The following ZNF587B variants were observed in gnomAD, a reference collection of about 807,000 sequenced individuals.
ZNF587B encodes the protein zinc finger protein 587B.
A neutral mutation model predicts 7.2 loss-of-function variants in ZNF587B; 6 were observed. The observed-to-expected ratio is 0.83, with a 90% CI of 0.46 to 1.65. ZNF587B has a LOEUF of 1.65. ZNF587B is among the 40% of genes most tolerant of loss of function. The pLI, the probability that ZNF587B is intolerant of heterozygous loss-of-function variation, is 0.01. For missense variants in ZNF587B, 749 were observed against 761.0 expected (o/e 0.98, Z 0.19); for synonymous variants, 274 against 254.3 (o/e 1.08, Z -0.74).
In ZNF587B at chr19:57,841,999, A is replaced by C. The variant is rs1441903556; in HGVS notation, c.1325A>C (p.Glu442Ala). Reference protein sequence around the residue: ...HTTERPYKCGECGKCFSHKGN... With the variant: ...HTTERPYKCGACGKCFSHKGN... The stretch of plus-strand genomic sequence containing the variant: ...ACAGAAAGACCTTATAAGTGTGGGG[A>C]ATGTGGGAAATGTTTTAGTCACAAG... Residue 442 changes from glutamate (E) to alanine (A), a missense_variant, in exon 3 of 3, where the codon GAA becomes GCA. Physicochemically the swap from Glu to Ala is moderately radical, Grantham distance 107. Around this residue, in one of 3 missense-constraint regions of ZNF587B, gnomAD observed 656 missense variants for 596.5 expected, o/e 1.10. Transcript: ENST00000594901. The C allele has an allele frequency of 6.2e-7, 1 of 1,602,812 alleles. No individual in the cohort carries two copies.
rs774388866 is a variant in ZNF587B at position 57,841,919 on chromosome 19, T to TG, written c.1248dup (p.Lys417GlufsTer4). Reference sequence around the variant, plus strand: ...AAAGACCTTACAAGTGTGGAGACTGTGGGAAATCTTTTAATGAAAAAGGAC... The same window carrying TG: ...AAAGACCTTACAAGTGTGGAGACTGTGGGGAAATCTTTTAATGAAAAAGGAC... On this transcript the variant is annotated frameshift_variant, in exon 3 of 3. Transcript: ENST00000594901. LOFTEE classifies it low-confidence loss of function (END_TRUNC). The TG allele has an allele frequency of 1.9e-6, 3 of 1,613,638 alleles. No individual in the cohort carries two copies. The African/African-American group carries it at 4.0e-5, about 22-fold the overall frequency.
intron 1 of ZNF587B, among the ~76,000 whole-genome samples, chr19:57,830,863 C>T (rs537835896): frequency 6.6e-6 from 1 of 151,936 alleles, no homozygotes; most frequent in East Asian, 1.9e-4. Context: ...AAAGTTCTCG[C>T]GGCCCCAAAG....
In ZNF587B at chr19:57,830,429, C is replaced by G. The variant is rs1246954973; in HGVS notation, c.-100C>G. The stretch of plus-strand genomic sequence containing the variant: ...CGACTCTGGAGCTCTGTGACGGCGC[C>G]AAGCGTGACCCACCCCTGGGCCAGG... On this transcript the variant is annotated 5_prime_UTR_variant, in exon 1 of 3. Transcript: ENST00000594901. 3.0e-6 allele frequency: 4 copies of G among 1,353,124 alleles called. No individual in the cohort carries two copies. In the East Asian group the frequency reaches 7.5e-5, roughly 25 times the overall value. The allele number at this position is 1,353,124 out of a possible 1,614,324, so 83.8% of individuals were successfully genotyped here. A position where few individuals can be genotyped will look rare whatever the true frequency, so the allele number is the denominator to read the frequency against.
chr19:57,831,965 G>GA (rs1260651787), intron 1 of ZNF587B, among the ~76,000 whole-genome samples: 1 of 151,664 alleles, frequency 6.6e-6, no homozygotes, highest in Non-Finnish European at 1.5e-5. Flanking sequence ...CTCGGCCTCC[G>GA]AAAGTGCTGG....
At chr19:57,832,156 G>A (rs1600101854) in intron 1 of ZNF587B, among the ~76,000 whole-genome samples, 1 of 151,854 alleles carries the variant, frequency 6.6e-6, no homozygotes, top group East Asian at 1.9e-4. Context: ...GCACGATCTC[G>A]GCTCACTGCA....
Position 57,843,584 on chromosome 19 carries a change from T to C in ZNF587B, c.*1008T>C. 1.1e-6 allele frequency: 1 copy of C among 910,828 alleles called. No homozygotes were observed. Among genetic ancestry groups the C allele is most frequent in the Non-Finnish European group, 1.3e-6 (1 of 784,972 alleles). The allele number at this position is 910,828 out of a possible 1,614,324, so 56.4% of individuals were successfully genotyped here. A position where few individuals can be genotyped will look rare whatever the true frequency, so the allele number is the denominator to read the frequency against. On this transcript the variant is annotated 3_prime_UTR_variant, in exon 3 of 3. Coordinates refer to ENST00000594901, the MANE Select transcript of ZNF587B (RefSeq NM_001376223.1). ...TTTGTTTGGTTGGTTGGTTGGTTGG[T>C]TGGTTGTTTTTTTTTGTTTTTTTTT...
chr19:57,833,069 GC>G (rs1422562876), intron 1 of ZNF587B, among the ~76,000 whole-genome samples: 14 of 152,420 alleles, frequency 9.2e-5, no homozygotes, highest in African/African-American at 3.4e-4. Flanking sequence ...TTCCCTCAAG[GC>G]CCTAGCCCTG....
At position 57,842,777 on chromosome 19, in the gene ZNF587B, A is replaced by G; in HGVS notation, c.*201A>G. ...AGCCACACCTCTGTATTCCTTCAGG[A>G]TTATATTTAACACTGAATGAAGGCC... On this transcript the variant is annotated 3_prime_UTR_variant, in exon 3 of 3. Transcript: ENST00000594901. The G allele has an allele frequency of 4.1e-6, 4 of 985,444 alleles. No individual in the cohort carries two copies. The highest frequency in any genetic ancestry group is 4.8e-6 in the Non-Finnish European group (4 of 829,918). 61.0% of individuals were successfully genotyped at this position (985,444 alleles called of 1,614,324 possible).
intron 2 of ZNF587B, among the ~76,000 whole-genome samples, chr19:57,840,075 C>CAAAAAA (rs774635301): frequency 3.7e-5 from 3 of 81,106 alleles, no homozygotes; most frequent in African/African-American, 4.5e-5. Context: ...ACTCTGTCTC[C>CAAAAAA]AAAAAAAAAA....
At chr19:57,840,449 C>T (rs1332071203) in intron 2 of ZNF587B, among the ~76,000 whole-genome samples, 3 of 152,066 alleles carry the variant, frequency 2.0e-5, no homozygotes, top group Non-Finnish European at 2.9e-5. Context: ...CAAGTATATA[C>T]GCTTTGTTAC....
rs529742031 is a variant in ZNF587B at position 57,835,998 on chromosome 19, C to T, written c.37-3025C>T. ...CTAGATGTTTTGCCTGGGTCCCTGG[C>T]GGACATTATTGGCATTCATAACCTG... On this transcript the variant is annotated intron_variant, in intron 1 of 2. Coordinates refer to ENST00000594901, the MANE Select transcript of ZNF587B (RefSeq NM_001376223.1). 2.0e-4 allele frequency among the ~76,000 whole-genome samples: 30 copies of T among 151,726 alleles called. No homozygotes were observed. In the East Asian group the frequency reaches 5.2e-3, roughly 26 times the overall value.
chr19:57,841,098 C>T lies in ZNF587B; in HGVS notation c.424C>T (p.His142Tyr), dbSNP rs1464267662. The stretch of plus-strand genomic sequence containing the variant: ...AAACTTTCATCAGCACCAGAATGAG[C>T]ACATTGGAGAGAAACCCTACAGAGG... ...SGNFHQHQNE[H>Y]IGEKPYRGSV... The change falls in exon 3 of 3, where the codon CAC (histidine) becomes TAC (tyrosine). Residue 142 changes from histidine to tyrosine, a missense_variant. Coordinates refer to ENST00000594901, the MANE Select transcript of ZNF587B (RefSeq NM_001376223.1). 3 of 1,613,948 alleles carry T rather than the reference C, an allele frequency of 1.9e-6. No individual in the cohort carries two copies. In the East Asian group the frequency reaches 6.7e-5, roughly 36 times the overall value.
Position 57,830,431 on chromosome 19 carries a change from A to G in ZNF587B, c.-98A>G. ...ACTCTGGAGCTCTGTGACGGCGCCA[A>G]GCGTGACCCACCCCTGGGCCAGGAT... On this transcript the variant is annotated 5_prime_UTR_variant, in exon 1 of 3. Coordinates refer to ENST00000594901, the MANE Select transcript of ZNF587B (RefSeq NM_001376223.1). 1 of 1,366,300 alleles carries G rather than the reference A, an allele frequency of 7.3e-7. No individual in the cohort carries two copies. Among genetic ancestry groups the G allele is most frequent in the Non-Finnish European group, 1.0e-6 (1 of 991,128 alleles). The allele number at this position is 1,366,300 out of a possible 1,614,324, so 84.6% of individuals were successfully genotyped here.
rs1988914595 is a variant in ZNF587B at position 57,842,951 on chromosome 19, G to T, written c.*375G>T. 15 of 985,190 alleles carry T rather than the reference G, an allele frequency of 1.5e-5. No homozygotes were observed. The highest frequency in any genetic ancestry group is 1.7e-5 in the Non-Finnish European group (14 of 829,910). The allele number at this position is 985,190 out of a possible 1,614,324, so 61.0% of individuals were successfully genotyped here. On this transcript the variant is annotated 3_prime_UTR_variant, in exon 3 of 3. Coordinates refer to ENST00000594901, the MANE Select transcript of ZNF587B (RefSeq NM_001376223.1). ...ATTGAATCCTAGAACACTGAGATGA[G>T]AAAAACACTGTAGATGTATAGGTTA...
At position 57,841,122 on chromosome 19, in the gene ZNF587B, G is replaced by C; in HGVS notation, c.448G>C (p.Gly150Arg). The change falls in exon 3 of 3, where the codon GGG becomes CGG. Residue 150 changes from glycine to arginine, a missense_variant. Gly to Arg is a moderately radical substitution (Grantham distance 125, BLOSUM62 -2). Around this residue, in one of 3 missense-constraint regions of ZNF587B, gnomAD observed 656 missense variants for 596.5 expected, o/e 1.10. Coordinates refer to ENST00000594901, the MANE Select transcript of ZNF587B (RefSeq NM_001376223.1). Reference sequence around the variant, plus strand: ...GCACATTGGAGAGAAACCCTACAGAGGGAGTGTTGAGGAGGCGTTGTTTGT... The same window carrying C: ...GCACATTGGAGAGAAACCCTACAGACGGAGTGTTGAGGAGGCGTTGTTTGT... ...NEHIGEKPYR[G>R]SVEEALFVKR... is the part of the protein sequence containing the mutation. The C allele has an allele frequency of 1.2e-6, 2 of 1,614,136 alleles. No homozygotes were observed. The highest frequency in any genetic ancestry group is 1.7e-6 in the Non-Finnish European group (2 of 1,180,034).
At chr19:57,839,470 C>G (rs982880359) in intron 2 of ZNF587B, among the ~76,000 whole-genome samples, 3 of 152,136 alleles carry the variant, frequency 2.0e-5, no homozygotes, top group African/African-American at 7.2e-5. Flanking sequence ...TCTCTAGCTG[C>G]TATTTTCTTA....
In ZNF587B at chr19:57,846,201, A is replaced by G. The variant is rs1287140569; in HGVS notation, c.*3625A>G. On this transcript the variant is annotated 3_prime_UTR_variant, in exon 3 of 3. Transcript: ENST00000594901. ...GATGGAGTACTTTCCATTTTCTGGA[A>G]TTTTCTGACTGATGTAATAAAGTGT... The G allele has an allele frequency of 6.6e-6, 1 of 151,928 alleles. No individual in the cohort carries two copies. Among genetic ancestry groups the G allele is most frequent in the East Asian group, 1.9e-4 (1 of 5,182 alleles). 9.4% of individuals were successfully genotyped at this position (151,928 alleles called of 1,614,324 possible).
intron 1 of ZNF587B, among the ~76,000 whole-genome samples, chr19:57,831,323 A>G (rs1346818410): frequency 6.6e-6 from 1 of 152,258 alleles, no homozygotes; most frequent in Non-Finnish European, 1.5e-5. Flanking sequence ...ATTACATCAC[A>G]GAATCCTCTA....
At position 57,841,450 on chromosome 19, in the gene ZNF587B, A is replaced by C. The variant is rs1225615393; in HGVS notation, c.776A>C (p.Asn259Thr). ...KSFSKYVSFS[N>T]HQRVHSGKRP... Reference sequence around the variant, plus strand: ...TTTAGCAAATATGTTAGCTTCAGTAATCATCAGAGAGTTCACAGTGGAAAA... The same window carrying C: ...TTTAGCAAATATGTTAGCTTCAGTACTCATCAGAGAGTTCACAGTGGAAAA... The change falls in exon 3 of 3, where the codon AAT (asparagine) becomes ACT (threonine). Residue 259 changes from asparagine to threonine, a missense_variant. Physicochemically the swap from Asn to Thr is moderately conservative, Grantham distance 65. Transcript: ENST00000594901. 1.9e-6 allele frequency: 3 copies of C among 1,585,618 alleles called. No homozygotes were observed. Among genetic ancestry groups the C allele is most frequent in the East Asian group, 4.6e-5 (2 of 43,336 alleles).
Sources: gnomAD v4.1 joint callset for allele counts (sites outside exome capture counted in the v4.1 genomes callset) on GRCh38, gnomAD v4.1.1 for gene constraint, gnomAD v4.1.1 regional missense constraint, MANE v1.5 for transcripts, NCBI Gene and HGNC (gene_info 2026-07-23, HGNC 2026-07-21) for gene names.